Variants in RSRP1 observed in about 807,000 individuals in gnomAD.
RSRP1 encodes arginine and serine rich protein 1.
RSRP1 carries 37 observed loss-of-function variants against 33.0 expected under a neutral mutation model. The ratio of observed to expected loss-of-function variants is 1.12; its 90% confidence interval spans 0.86 to 1.48. The LOEUF (loss-of-function observed/expected upper bound fraction) is 1.48, where lower values mean the gene tolerates loss of function less well. RSRP1 is among the 40% of genes most tolerant of loss of function. The probability of loss-of-function intolerance (pLI) is 0.00; values close to 1 mark genes in which losing one functional copy is unlikely to be tolerated. For synonymous variants in RSRP1, 167 were observed against 158.7 expected, an observed-to-expected ratio of 1.05 and a Z score of -0.40; for missense variants, 402 against 385.3, an observed-to-expected ratio of 1.04 and a Z score of -0.36.
At position 25,246,744 on chromosome 1, in the gene RSRP1, A is replaced by G; in HGVS notation, c.220T>C (p.Tyr74His). ...SRSRRRHQRK[Y>H]RRYSRSYSRS... The stretch of plus-strand genomic sequence containing the variant: ...GAGTATGACCGCGAGTAGCGCCTGT[A>G]CTTCCGCTGGTGGCGCCTTCGGGAA... Residue 74 changes from tyrosine to histidine, a missense_variant, in exon 2 of 5, where the codon TAC (tyrosine) becomes CAC (histidine). Tyr to His is a moderately conservative substitution (Grantham distance 83). Coordinates refer to ENST00000243189, the MANE Select transcript of RSRP1 (RefSeq NM_020317.5). 6.2e-7 allele frequency: 1 copy of G among 1,609,480 alleles called. No homozygotes were observed. Among genetic ancestry groups the G allele is most frequent in the East Asian group, 2.2e-5 (1 of 44,782 alleles).
upstream of RSRP1, chr1:25,248,290 T>C (rs1639635228): frequency 6.6e-6 from 1 of 152,214 alleles, no homozygotes; most frequent in Admixed American, 6.6e-5. Flanking sequence ...ATGGGATGCA[T>C]TTCAAACACT....
Position 25,299,986 on chromosome 1 carries a change from G to A in RSRP1, c.-67+37992C>T, listed in dbSNP as rs1478534228. ...GCTGGTATCGAACTCCTGACCTCAGGTGATCCACCCACCTCAGCCTCCCAA... is the reference window on the plus strand; with the variant it reads ...GCTGGTATCGAACTCCTGACCTCAGATGATCCACCCACCTCAGCCTCCCAA... On this transcript the variant is annotated intron_variant, in intron 1 of 1. Transcript: ENST00000561867. 2.8e-4 allele frequency among the ~76,000 whole-genome samples: 37 copies of A among 131,252 alleles called. 7 individuals are homozygous for A. The highest frequency in any genetic ancestry group is 9.4e-4 in the African/African-American group (36 of 38,126). 86.1% of individuals were successfully genotyped at this position (131,252 alleles called of 152,430 possible).
chr1:25,274,319 A>G (rs1240227729), intron 1 of RSRP1, among the ~76,000 whole-genome samples: 1 of 132,136 alleles, frequency 7.6e-6, no homozygotes, highest in Non-Finnish European at 1.8e-5. Context: ...TAGTTTCCTT[A>G]CACTTAACCA....
Position 25,280,471 on chromosome 1 carries a change from A to G in RSRP1, c.-66-33442T>C, listed in dbSNP as rs1187715071. 1.6e-5 allele frequency among the ~76,000 whole-genome samples: 2 copies of G among 128,254 alleles called. 1 individual carries two copies. Among genetic ancestry groups the G allele is most frequent in the Non-Finnish European group, 3.7e-5 (2 of 54,248 alleles). The allele number at this position is 128,254 out of a possible 152,430, so 84.1% of individuals were successfully genotyped here. ...CAGGCATGCGCCACCATGCCAGGCT[A>G]ATTTTTGTATTTTTAGTAGAGACGG... On this transcript the variant is annotated intron_variant, in intron 1 of 1. Transcript: ENST00000561867.
At chr1:25,303,691 G>A (rs1345920470) in intron 1 of RSRP1, among the ~76,000 whole-genome samples, 1 of 132,150 alleles carries the variant, frequency 7.6e-6, no homozygotes, top group African/African-American at 2.6e-5. Context: ...GGGAGAATTT[G>A]TTATCAGGCT....
intron 1 of RSRP1, among the ~76,000 whole-genome samples, chr1:25,276,215 T>G (rs1445214981): frequency 7.7e-6 from 1 of 130,538 alleles, no homozygotes; most frequent in African/African-American, 2.6e-5. Context: ...TTTTTAAGTC[T>G]CCATCTGTTA....
chr1:25,247,112 G>A, intron 1 of RSRP1, 83 bp from the exon 2 acceptor site: 1 of 861,142 alleles, frequency 1.2e-6, no homozygotes, highest in Non-Finnish European at 1.7e-6. Context: ...GGGAACCTCC[G>A]GGAGGCGGAG....
chr1:25,263,149 G>A (rs924682140), intron 1 of RSRP1, among the ~76,000 whole-genome samples: 21 of 152,090 alleles, frequency 1.4e-4, no homozygotes, highest in African/African-American at 5.1e-4. Flanking sequence ...CTTCCAGGTA[G>A]AGAAGACAAG....
At chr1:25,264,656 T>C (rs1640268303) in intron 1 of RSRP1, among the ~76,000 whole-genome samples, 1 of 149,818 alleles carries the variant, frequency 6.7e-6, no homozygotes, top group Non-Finnish European at 1.5e-5. Context: ...CCCCATTGTC[T>C]TGGGAATTAG....
At chr1:25,276,910 C>CA (rs1425935379) in intron 1 of RSRP1, among the ~76,000 whole-genome samples, 1 of 129,602 alleles carries the variant, frequency 7.7e-6, no homozygotes, top group Non-Finnish European at 1.8e-5. Context: ...ACCAAAAATA[C>CA]AAAAAAATTA....
Position 25,247,352 on chromosome 1 carries a change from A to G in RSRP1, c.-110T>C, listed in dbSNP as rs1420904242. 4.7e-6 allele frequency: 1 copy of G among 211,832 alleles called. No individual in the cohort carries two copies. Among genetic ancestry groups the G allele is most frequent in the African/African-American group, 2.3e-5 (1 of 43,646 alleles). 13.1% of individuals were successfully genotyped at this position (211,832 alleles called of 1,614,324 possible). On this transcript the variant is annotated 5_prime_UTR_variant, in exon 1 of 5. Transcript: ENST00000243189. The stretch of plus-strand genomic sequence containing the variant: ...CCCTCACGACTGAGAGAAAGGCTCA[A>G]CAGACGCCTTCCTTTCGGAACGTAA...
chr1:25,243,771 A>G, intron 3 of RSRP1, 138 bp from the exon 4 acceptor site: 3 of 1,415,736 alleles, frequency 2.1e-6, no homozygotes, highest in Non-Finnish European at 2.8e-6. Context: ...CCTAAGTAAC[A>G]GAACTATTGA....
upstream of RSRP1, chr1:25,247,689 CT>C (rs140595489): frequency 6.8e-3 from 1,034 of 152,436 alleles, 13 homozygotes; most frequent in Non-Finnish European, 9.7e-3. Flanking sequence ...GGCTTCCCCC[CT>C]GATCTGAGAT....
chr1:25,287,706 A>G (rs1642157612), intron 1 of RSRP1, among the ~76,000 whole-genome samples: 2 of 135,414 alleles, frequency 1.5e-5, no homozygotes, highest in Non-Finnish European at 3.5e-5. Context: ...GGAACTCTGA[A>G]GTGGGATGTT....
chr1:25,266,331 A>G (rs1490142764), intron 1 of RSRP1, among the ~76,000 whole-genome samples: 3 of 129,620 alleles, frequency 2.3e-5, no homozygotes, highest in Non-Finnish European at 5.4e-5. Flanking sequence ...TTTCTCCCGC[A>G]CTCATTAGCT....
chr1:25,296,998 AT>A (rs1334380994), intron 1 of RSRP1, among the ~76,000 whole-genome samples: 1 of 131,934 alleles, frequency 7.6e-6, no homozygotes, highest in Non-Finnish European at 1.8e-5. Context: ...AGAAATTGAC[AT>A]TGATATATTA....
chr1:25,246,707 G>A lies in RSRP1; in HGVS notation c.257C>T (p.Ser86Leu). ...RYSRSYSRSR[S>L]RSRSRRYRER... is the part of the protein sequence containing the mutation. ...TCGGTAACGGCGGCTGCGGGATCGC[G>A]ACCGGCTCCGCGAGTATGACCGCGA... is the stretch of plus-strand genomic sequence containing the variant. Residue 86 changes from serine to leucine, a missense_variant, in exon 2 of 5, where the codon TCG becomes TTG. Transcript: ENST00000243189. The A allele has an allele frequency of 6.2e-7, 1 of 1,607,694 alleles. No individual in the cohort carries two copies. Among genetic ancestry groups the A allele is most frequent in the Non-Finnish European group, 8.5e-7 (1 of 1,175,426 alleles).
Position 25,246,855 on chromosome 1 carries a change from G to A in RSRP1, c.109C>T (p.Arg37Cys), listed in dbSNP as rs770691463. The A allele has an allele frequency of 3.1e-6, 5 of 1,612,660 alleles. No homozygotes were observed. The African/African-American group carries it at 4.0e-5, about 13-fold the overall frequency. Residue 37 changes from arginine (R) to cysteine (C), a missense_variant, in exon 2 of 5, where the codon CGC (arginine) becomes TGC (cysteine). Transcript: ENST00000243189. ...GACCGAGAGCTTCTGGAAAAAGAGC[G>A]GCTCCTAGACCGCGACGACAGCCGG... ...SSRLSSRSRS[R>C]SFSRSSRSHS...
chr1:25,315,987 T>C (rs1644418610), intron 1 of RSRP1, among the ~76,000 whole-genome samples: 1 of 131,294 alleles, frequency 7.6e-6, no homozygotes, highest in Non-Finnish European at 1.8e-5. Flanking sequence ...TTGCTTTGTC[T>C]TAAAAATGAG....
Sources: gnomAD v4.1 joint callset for allele counts (sites outside exome capture counted in the v4.1 genomes callset) on GRCh38, gnomAD v4.1.1 for gene constraint, MANE v1.5 for transcripts, NCBI Gene and HGNC (gene_info 2026-07-23, HGNC 2026-07-21) for gene names.